Variants in NBPF12 observed in about 807,000 individuals in gnomAD.
NBPF12 encodes NBPF member 12.
A neutral mutation model predicts 146.4 loss-of-function variants in NBPF12; 115 were observed. The ratio of observed to expected loss-of-function variants is 0.79; its 90% CI spans 0.68 to 0.92. NBPF12 has a LOEUF of 0.92. NBPF12 is among the 40% of genes least tolerant of loss of function. The pLI is 0.00. For missense variants in NBPF12, 1,205 were observed against 1,326.8 expected (o/e 0.91, Z 1.43); for synonymous variants, 385 against 508.9 (o/e 0.76, Z 3.28).
exon 34 of NBPF12, chr1:146,994,917 A>C: frequency 2.5e-6 from 1 of 393,190 alleles, no homozygotes; most frequent in Non-Finnish European, 4.7e-6. Flanking sequence ...ACTCAAGGTC[A>C]GTGTCATCTT....
Position 146,953,155 on chromosome 1 carries a change from C to T in NBPF12, c.-184+1666C>T, listed in dbSNP as rs1167166259. Among the ~76,000 whole-genome samples, 6 of 130,390 alleles carry T rather than the reference C, an allele frequency of 4.6e-5. 2 individuals are homozygous for T. The highest frequency in any genetic ancestry group is 1.5e-4 in the African/African-American group (5 of 32,684). The allele number at this position is 130,390 out of a possible 152,430, so 85.5% of individuals were successfully genotyped here. A position where few individuals can be genotyped will look rare whatever the true frequency, so the allele number is the denominator to read the frequency against. Reference sequence around the variant, plus strand: ...TCTGGAAGAGTCTCAGAGGACAGGCCGTGGGACTTGGCTGTCTAGAGACAA... The same window carrying T: ...TCTGGAAGAGTCTCAGAGGACAGGCTGTGGGACTTGGCTGTCTAGAGACAA... On this transcript the variant is annotated intron_variant, in intron 2 of 33. Transcript: ENST00000617844.
At chr1:146,993,985 C>T (rs1658340398) in intron 33 of NBPF12, among the ~76,000 whole-genome samples, 1 of 69,854 alleles carries the variant, frequency 1.4e-5, no homozygotes, top group Non-Finnish European at 2.7e-5. Context: ...CTATTGAGCT[C>T]ACTCTTTTCA....
At chr1:146,980,296 G>A (rs1295091714) in intron 19 of NBPF12, among the ~76,000 whole-genome samples, 3 of 151,884 alleles carry the variant, frequency 2.0e-5, no homozygotes, top group African/African-American at 7.3e-5. Flanking sequence ...TTTTAACTGG[G>A]GCATTTAGCC....
upstream of NBPF12, among the ~76,000 whole-genome samples, chr1:146,948,172 G>A (rs1381965699): frequency 2.0e-5 from 3 of 151,826 alleles, no homozygotes; most frequent in East Asian, 5.8e-4. Context: ...TACCACACCT[G>A]GCTAATGTTT....
At chr1:146,950,747 A>G (rs1655290667) in intron 1 of NBPF12, among the ~76,000 whole-genome samples, 1 of 152,088 alleles carries the variant, frequency 6.6e-6, no homozygotes, top group African/African-American at 2.4e-5. Flanking sequence ...GTATTGATAG[A>G]TATTTGAATG....
At chr1:146,948,811 C>T (rs1156533036), upstream of NBPF12, among the ~76,000 whole-genome samples, 2 of 151,204 alleles carry the variant, frequency 1.3e-5, no homozygotes, top group African/African-American at 4.9e-5. Context: ...GCGTCTGTCT[C>T]CTGCTCATCC....
intron 2 of NBPF12, among the ~76,000 whole-genome samples, chr1:146,953,841 AAAGT>A (rs1407707742): frequency 4.6e-5 from 7 of 151,806 alleles, no homozygotes; most frequent in African/African-American, 1.7e-4. Flanking sequence ...TCAATGCAAT[AAAGT>A]AAGAAAAATT....
chr1:146,975,803 G>A, exon 16 of NBPF12: 7 of 1,411,686 alleles, frequency 5.0e-6, no homozygotes, highest in South Asian at 4.6e-5. Flanking sequence ...CTCCGGATGA[G>A]CCGGACAAGT....
At chr1:146,972,795 T>A (rs1570866385) in exon 14 of NBPF12, 13 of 1,307,738 alleles carry the variant, frequency 9.9e-6, no homozygotes, top group Non-Finnish European at 1.4e-5. Flanking sequence ...CATGGTGGTA[T>A]CAGCCGGCCC....
intron 11 of NBPF12, among the ~76,000 whole-genome samples, chr1:146,969,824 G>T (rs1350579046): frequency 6.6e-6 from 1 of 151,190 alleles, no homozygotes; most frequent in Non-Finnish European, 1.5e-5. Flanking sequence ...GTGGTCTTTG[G>T]AGCAAGAGGC....
At chr1:146,963,455 A>G (rs1655993176) in intron 6 of NBPF12, 146 bp downstream of exon 9, 2 of 1,561,524 alleles carry the variant, frequency 1.3e-6, no homozygotes, top group Non-Finnish European at 1.8e-6. Context: ...CTTCCTGGGT[A>G]AGAACAGAAA....
upstream of NBPF12, among the ~76,000 whole-genome samples, chr1:146,947,978 T>C (rs1179594494): frequency 1.3e-4 from 20 of 152,000 alleles, no homozygotes; most frequent in Non-Finnish European, 2.9e-4. Context: ...CATAATAATA[T>C]TTGGAGTTAA....
intron 18 of NBPF12, among the ~76,000 whole-genome samples, chr1:146,978,266 T>TG (rs1409050317): frequency 8.2e-6 from 1 of 122,502 alleles, no homozygotes; most frequent in Non-Finnish European, 1.8e-5. Flanking sequence ...GTAGATTTTT[T>TG]TTTTTTTTTT....
rs1409055761 is a variant in NBPF12 at position 146,942,152 on chromosome 1, C to G, written c.-821-1139C>G. 1.4e-3 allele frequency among the ~76,000 whole-genome samples: 208 copies of G among 151,490 alleles called. 1 individual carries two copies. Among genetic ancestry groups the G allele is most frequent in the Admixed American group, 0.011 (171 of 15,238 alleles). ...GGATTACGGCATGCACCACCATGCC[C>G]AGCTAATTTTTTATTTTTTGTAGAC... On this transcript the variant is annotated intron_variant, in intron 1 of 35. Transcript: ENST00000617931.
At chr1:146,978,260 ATTTTTTTT>A (rs1187524068) in intron 18 of NBPF12, among the ~76,000 whole-genome samples, 15 of 83,920 alleles carry the variant, frequency 1.8e-4, no homozygotes, top group Admixed American at 4.6e-4. Flanking sequence ...AGCGTCGTAG[ATTTTTTTT>A]TTTTTTTTTT....
At chr1:146,994,747 A>G in exon 34 of NBPF12, 2 of 1,147,282 alleles carry the variant, frequency 1.7e-6, no homozygotes, top group African/African-American at 1.6e-5. Context: ...CTCAGTCTGA[A>G]GACAATGGAC....
At chr1:146,967,377 T>A (rs1213493981) in intron 9 of NBPF12, among the ~76,000 whole-genome samples, 9 of 151,008 alleles carry the variant, frequency 6.0e-5, no homozygotes, top group Non-Finnish European at 1.3e-4. Context: ...GGCAGGTGAC[T>A]GTAATCACTC....
intron 14 of NBPF12, among the ~76,000 whole-genome samples, chr1:146,974,465 G>A (rs1223397246): frequency 1.6e-5 from 2 of 128,428 alleles, no homozygotes; most frequent in Non-Finnish European, 3.2e-5. Flanking sequence ...AGACCTCAGG[G>A]ACTGTGAATT....
Position 146,944,162 on chromosome 1 carries a change from CA to C in NBPF12, c.-550+601del, listed in dbSNP as rs1426390257. ...TGTAGGACTTAGAATTTATGGGCCA[CA>C]GTGGAATTCTTGGTTCCCCAGGACC... On this transcript the variant is annotated intron_variant, in intron 2 of 35. Coordinates refer to the NBPF12 transcript ENST00000617931. 3.9e-5 allele frequency among the ~76,000 whole-genome samples: 5 copies of C among 129,014 alleles called. No homozygotes were observed. The East Asian group carries it at 1.1e-3, about 29-fold the overall frequency. The allele number at this position is 129,014 out of a possible 152,430, so 84.6% of individuals were successfully genotyped here.
Sources: allele counts gnomAD v4.1 joint callset (sites outside exome capture counted in the v4.1 genomes callset), GRCh38; gene constraint gnomAD v4.1.1; transcripts MANE v1.5; gene names NCBI Gene and HGNC (gene_info 2026-07-23, HGNC 2026-07-21).